LCLAT1: variants seen among roughly 807,000 people sequenced by gnomAD.
LCLAT1 encodes the protein lysocardiolipin acyltransferase 1.
Under a neutral mutation model 30.7 loss-of-function variants are expected in LCLAT1, and 11 were observed. The ratio of observed to expected loss-of-function variants is 0.36; its 90% CI spans 0.23 to 0.59. The LOEUF is 0.59. LCLAT1 is among the 20% of genes least tolerant of loss of function. The pLI, the probability that LCLAT1 is intolerant of heterozygous loss-of-function variation, is 0.77. For synonymous variants in LCLAT1, 155 were observed against 151.3 expected (o/e 1.02, Z -0.18); for missense variants, 402 against 458.6 (o/e 0.88, Z 1.13).
chr2:30,453,797 C>G (rs1451003191), intron 1 of LCLAT1, among the ~76,000 whole-genome samples: 1 of 152,198 alleles, frequency 6.6e-6, no homozygotes, highest in African/African-American at 2.4e-5. Context: ...TGGTGACCCT[C>G]TCTTTTAATA....
intron 1 of LCLAT1, among the ~76,000 whole-genome samples, chr2:30,522,825 A>G (rs554364981): frequency 1.3e-5 from 2 of 152,338 alleles, no homozygotes; most frequent in East Asian, 1.9e-4. Context: ...CGCAGGAGAA[A>G]GAGAGCATGA....
intron 1 of LCLAT1, among the ~76,000 whole-genome samples, chr2:30,498,036 TG>T (rs1416424095): frequency 1.3e-5 from 2 of 152,146 alleles, no homozygotes; most frequent in African/African-American, 2.4e-5. Flanking sequence ...GAAGCAGTCT[TG>T]TTTGAGGTGT....
chr2:30,528,605 G>A (rs1685844312), intron 2 of LCLAT1, among the ~76,000 whole-genome samples: 1 of 152,166 alleles, frequency 6.6e-6, no homozygotes, highest in Admixed American at 6.5e-5. Context: ...AATTTTGGGA[G>A]AAGATTGGCT....
intron 1 of LCLAT1, among the ~76,000 whole-genome samples, chr2:30,451,953 T>G (rs1446451124): frequency 6.6e-6 from 1 of 152,280 alleles, no homozygotes; most frequent in Non-Finnish European, 1.5e-5. Flanking sequence ...AACATGGATG[T>G]ATCTTACAGA....
chr2:30,553,900 TAAATGTCATAA>T (rs1664795924), intron 3 of LCLAT1, among the ~76,000 whole-genome samples: 1 of 152,034 alleles, frequency 6.6e-6, no homozygotes, highest in Non-Finnish European at 1.5e-5. Flanking sequence ...AAATATGAAA[TAAATGTCATAA>T]AAATGTGTTT....
At chr2:30,540,906 G>T (rs866079730) in intron 3 of LCLAT1, among the ~76,000 whole-genome samples, 1 of 151,462 alleles carries the variant, frequency 6.6e-6, no homozygotes, top group East Asian at 1.9e-4. Flanking sequence ...CTCATGATTC[G>T]CCTGCCTTAG....
At chr2:30,557,512 T>A (rs577001670) in intron 3 of LCLAT1, among the ~76,000 whole-genome samples, 1 of 152,064 alleles carries the variant, frequency 6.6e-6, no homozygotes, top group Non-Finnish European at 1.5e-5. Flanking sequence ...CCTCCCAGGT[T>A]CAAGTGATTC....
At chr2:30,570,138 C>G (rs754559401) in intron 5 of LCLAT1, among the ~76,000 whole-genome samples, 5 of 152,066 alleles carry the variant, frequency 3.3e-5, no homozygotes, top group African/African-American at 4.8e-5. Context: ...ATTTTAGTAG[C>G]AAACTGATTT....
At chr2:30,489,162 G>A (rs1354807741) in intron 1 of LCLAT1, 3 of 152,170 alleles carry the variant, frequency 2.0e-5, no homozygotes, top group Admixed American at 6.5e-5. Context: ...TATTTCAGAT[G>A]TAGTTCTGAT....
At chr2:30,550,288 CAA>C (rs755565112) in intron 3 of LCLAT1, among the ~76,000 whole-genome samples, 8 of 152,156 alleles carry the variant, frequency 5.3e-5, no homozygotes, top group Non-Finnish European at 1.2e-4. Flanking sequence ...TCTGTTGAAA[CAA>C]GAGGTTAATT....
Position 30,530,132 on chromosome 2 carries a change from T to G in LCLAT1, c.166-2984T>G, listed in dbSNP as rs184070319. Among the ~76,000 whole-genome samples, 282 of 152,326 alleles carry G rather than the reference T, an allele frequency of 1.9e-3. 2 individuals are homozygous for G. Among genetic ancestry groups the G allele is most frequent in the Non-Finnish European group, 2.4e-3 (163 of 68,026 alleles). On this transcript the variant is annotated intron_variant, in intron 2 of 5. Coordinates refer to ENST00000379509, the MANE Select transcript of LCLAT1 (RefSeq NM_001002257.3). ...ACAGAGAAATCTTTGACCAATTAGGTAAAAATTATCAGAATTGTTACTCTT... is the reference window on the plus strand; with the variant it reads ...ACAGAGAAATCTTTGACCAATTAGGGAAAAATTATCAGAATTGTTACTCTT...
chr2:30,455,561 A>G (rs1169139783), intron 1 of LCLAT1, among the ~76,000 whole-genome samples: 3 of 151,960 alleles, frequency 2.0e-5, no homozygotes, highest in African/African-American at 4.8e-5. Context: ...CTCTCCCTCT[A>G]TGGTCACGTT....
At chr2:30,510,274 T>A (rs1684877718) in intron 1 of LCLAT1, among the ~76,000 whole-genome samples, 1 of 152,226 alleles carries the variant, frequency 6.6e-6, no homozygotes, top group South Asian at 2.1e-4. Flanking sequence ...AGCTTCTTTT[T>A]AAAAGATTGT....
chr2:30,510,423 A>G (rs897175445), intron 1 of LCLAT1, among the ~76,000 whole-genome samples: 4 of 152,166 alleles, frequency 2.6e-5, no homozygotes, highest in African/African-American at 7.2e-5. Context: ...TGCTCCTGGT[A>G]TTGGCTGCTG....
intron 4 of LCLAT1, among the ~76,000 whole-genome samples, chr2:30,562,502 C>T (rs562508605): frequency 5.4e-5 from 8 of 148,648 alleles, no homozygotes; most frequent in South Asian, 4.2e-4. Flanking sequence ...GAGACTTCAT[C>T]TCAAAAAAAC....
At chr2:30,577,893 T>A (rs1666063148) in intron 5 of LCLAT1, among the ~76,000 whole-genome samples, 1 of 152,132 alleles carries the variant, frequency 6.6e-6, no homozygotes, top group Non-Finnish European at 1.5e-5. Flanking sequence ...CTAAGAAATA[T>A]CTGAGTATTG....
At chr2:30,515,235 T>C (rs896281212) in intron 1 of LCLAT1, among the ~76,000 whole-genome samples, 1 of 152,228 alleles carries the variant, frequency 6.6e-6, no homozygotes, top group Non-Finnish European at 1.5e-5. Context: ...CTTGTCTACT[T>C]TGATCTACCC....
chr2:30,623,264 C>T (rs1302800062), intron 5 of LCLAT1, among the ~76,000 whole-genome samples: 1 of 151,998 alleles, frequency 6.6e-6, no homozygotes, highest in Non-Finnish European at 1.5e-5. Flanking sequence ...CCTTATTAGC[C>T]AGGATGGTCT....
At chr2:30,597,476 CTT>C (rs1375924382) in intron 5 of LCLAT1, among the ~76,000 whole-genome samples, 1 of 152,078 alleles carries the variant, frequency 6.6e-6, no homozygotes, top group African/African-American at 2.4e-5. Flanking sequence ...ATGCTTGTGA[CTT>C]TTGCACATTG....
Sources: allele counts gnomAD v4.1 joint callset (sites outside exome capture counted in the v4.1 genomes callset), GRCh38; gene constraint gnomAD v4.1.1; transcripts MANE v1.5; gene names NCBI Gene and HGNC (gene_info 2026-07-23, HGNC 2026-07-21).